Variants in RASAL2 observed in about 807,000 individuals in gnomAD.
RASAL2 encodes RAS protein activator like 2.
A neutral mutation model predicts 128.9 loss-of-function variants in RASAL2; 58 were observed. That is an observed-to-expected ratio of 0.45 (90% CI 0.36 to 0.56). RASAL2 has a LOEUF of 0.56. Among genes scored for constraint, RASAL2 ranks in the 20% least tolerant of loss-of-function variants. The pLI, the probability that RASAL2 is intolerant of heterozygous loss-of-function variation, is 0.00. For synonymous variants in RASAL2, 561 were observed against 580.8 expected (o/e 0.97, Z 0.49); for missense variants, 1,360 against 1,601.6 (o/e 0.85, Z 2.57).
chr1:178,263,181 A>G (rs938015376), intron 1 of RASAL2, among the ~76,000 whole-genome samples: 1 of 152,186 alleles, frequency 6.6e-6, no homozygotes, highest in African/African-American at 2.4e-5. Context: ...ATCAGATTTT[A>G]TTACAATATT....
chr1:178,261,378 T>C (rs1665686968), intron 1 of RASAL2, among the ~76,000 whole-genome samples: 1 of 152,228 alleles, frequency 6.6e-6, no homozygotes. Context: ...TCTTTTTTTG[T>C]ATACCTTTAT....
chr1:178,146,257 C>T (rs1660726059), intron 1 of RASAL2, among the ~76,000 whole-genome samples: 1 of 152,230 alleles, frequency 6.6e-6, no homozygotes, highest in Non-Finnish European at 1.5e-5. Context: ...TGATTTTTCA[C>T]AACAGAGAGG....
intron 4 of RASAL2, among the ~76,000 whole-genome samples, chr1:178,407,444 A>G (rs527377004): frequency 5.3e-5 from 8 of 152,286 alleles, no homozygotes; most frequent in East Asian, 1.9e-4. Context: ...TTTTTTTCTC[A>G]GGTATTTACA....
chr1:178,247,961 C>T, intron 1 of RASAL2, among the ~76,000 whole-genome samples: 1 of 152,082 alleles, frequency 6.6e-6, no homozygotes, highest in Non-Finnish European at 1.5e-5. Flanking sequence ...CATTCTTTTG[C>T]ATTTACTGAG....
At chr1:178,148,789 C>T (rs1196554989) in intron 1 of RASAL2, among the ~76,000 whole-genome samples, 1 of 152,122 alleles carries the variant, frequency 6.6e-6, no homozygotes, top group Non-Finnish European at 1.5e-5. Flanking sequence ...GAGAGTTGTC[C>T]ATGGCTACTC....
chr1:178,166,375 C>A (rs1159878848), intron 1 of RASAL2, among the ~76,000 whole-genome samples: 1 of 152,126 alleles, frequency 6.6e-6, no homozygotes, highest in Non-Finnish European at 1.5e-5. Context: ...TTGGCTTGTA[C>A]CTCCTCAAAG....
intron 1 of RASAL2, among the ~76,000 whole-genome samples, chr1:178,193,694 T>A (rs750684278): frequency 5.2e-4 from 79 of 152,178 alleles, no homozygotes; most frequent in Admixed American, 8.5e-4. Flanking sequence ...GAGTTATTCC[T>A]TTTTTCCTTG....
chr1:178,433,484 C>G (rs1676059929), intron 5 of RASAL2, among the ~76,000 whole-genome samples: 1 of 152,060 alleles, frequency 6.6e-6, no homozygotes, highest in Non-Finnish European at 1.5e-5. Context: ...GCATCTACCT[C>G]TAGTATAGTG....
intron 1 of RASAL2, among the ~76,000 whole-genome samples, chr1:178,142,028 G>T (rs192769806): frequency 1.5e-4 from 23 of 152,142 alleles, no homozygotes; most frequent in Middle Eastern, 3.4e-3. Flanking sequence ...AGTGAAAGGG[G>T]GTAAGAGAAC....
At chr1:178,176,174 C>T (rs994005655) in intron 1 of RASAL2, among the ~76,000 whole-genome samples, 9 of 152,222 alleles carry the variant, frequency 5.9e-5, no homozygotes, top group Non-Finnish European at 1.2e-4. Context: ...ACATTCCAAC[C>T]AGCAGTGTAT....
intron 3 of RASAL2, among the ~76,000 whole-genome samples, chr1:178,376,573 T>C (rs760341495): frequency 6.6e-6 from 1 of 152,068 alleles, no homozygotes; most frequent in Non-Finnish European, 1.5e-5. Flanking sequence ...GAACCAAATA[T>C]ACATGCCGAG....
At chr1:178,469,072 C>T (rs570869613) in intron 17 of RASAL2, among the ~76,000 whole-genome samples, 81 of 152,094 alleles carry the variant, frequency 5.3e-4, no homozygotes, top group African/African-American at 1.8e-3. Flanking sequence ...CTGAGGCAGG[C>T]GGATTGCTTG....
chr1:178,177,939 A>G (rs540616251), intron 1 of RASAL2, among the ~76,000 whole-genome samples: 6 of 152,228 alleles, frequency 3.9e-5, no homozygotes, highest in Non-Finnish European at 8.8e-5. Flanking sequence ...CCCTCTTGAT[A>G]AAGTTTCAAA....
At chr1:178,330,031 G>C (rs2102364695) in intron 3 of RASAL2, among the ~76,000 whole-genome samples, 1 of 152,184 alleles carries the variant, frequency 6.6e-6, no homozygotes, top group South Asian at 2.1e-4. Context: ...GTAAATTTTG[G>C]TTAATTATAT....
intron 3 of RASAL2, among the ~76,000 whole-genome samples, chr1:178,319,579 A>T (rs1351665440): frequency 1.4e-5 from 2 of 146,158 alleles, no homozygotes; most frequent in Non-Finnish European, 3.0e-5. Context: ...CTTCCAGTTG[A>T]TCGTATCGGC....
At chr1:178,337,559 T>A (rs1350257301) in intron 3 of RASAL2, among the ~76,000 whole-genome samples, 1 of 152,132 alleles carries the variant, frequency 6.6e-6, no homozygotes, top group Admixed American at 6.5e-5. Flanking sequence ...GATCATCTGC[T>A]GTTCAAAAGA....
chr1:178,318,156 G>A (rs949819174), intron 3 of RASAL2, among the ~76,000 whole-genome samples: 18 of 152,148 alleles, frequency 1.2e-4, no homozygotes, highest in African/African-American at 3.9e-4. Context: ...TGGTCTGAGA[G>A]ACAGTTTGTT....
chr1:178,227,261 C>G (rs917467310), intron 1 of RASAL2, among the ~76,000 whole-genome samples: 16 of 151,864 alleles, frequency 1.1e-4, no homozygotes, highest in Non-Finnish European at 2.1e-4. Context: ...AATGGTGCTA[C>G]AGTTTAGCGT....
At chr1:178,341,461 G>C in intron 3 of RASAL2, 2 of 1,476,602 alleles carry the variant, frequency 1.4e-6, no homozygotes, top group Non-Finnish European at 1.8e-6. Flanking sequence ...ATTCCAAACT[G>C]TCTGAGGCAC....
Sources: allele counts gnomAD v4.1 joint callset (sites outside exome capture counted in the v4.1 genomes callset), GRCh38; gene constraint gnomAD v4.1.1; transcripts MANE v1.5; gene names NCBI Gene and HGNC (gene_info 2026-07-23, HGNC 2026-07-21).